Variants in PHYHIPL observed in about 807,000 individuals in gnomAD.
PHYHIPL encodes the protein phytanoyl-CoA 2-hydroxylase interacting protein like, also known as phytanoyl-CoA hydroxylase-interacting protein-like.
In PHYHIPL, 9 loss-of-function variants were observed where a neutral mutation model predicts 33.4. The observed-to-expected ratio is 0.27, with a 90% confidence interval of 0.16 to 0.47. PHYHIPL has a LOEUF of 0.47. Ranked by LOEUF, PHYHIPL falls within the 20% of genes least tolerant of loss-of-function variation. PHYHIPL has a pLI of 0.99. For missense variants in PHYHIPL, 365 were observed against 460.7 expected (o/e 0.79, Z 1.90); for synonymous variants, 153 against 154.1 (o/e 0.99, Z 0.05).
chr10:59,179,082 T>C (rs1838330275), intron 1 of PHYHIPL, among the ~76,000 whole-genome samples: 1 of 152,200 alleles, frequency 6.6e-6, no homozygotes, highest in Non-Finnish European at 1.5e-5. Flanking sequence ...GCTTAACTTA[T>C]TTTGTTATCC....
In PHYHIPL at chr10:59,233,911, T is replaced by C. The variant is rs59852796; in HGVS notation, c.107-393T>C. Among the ~76,000 whole-genome samples the C allele has an allele frequency of 5.5e-3, 833 of 151,926 alleles. 6 individuals carry two copies. Among genetic ancestry groups the C allele is most frequent in the African/African-American group, 0.019 (796 of 41,530 alleles). ...AATGAAAGAGGAGGGGGAATTTTTA[T>C]AGACTGTCACTGCTAGGTCATGGAC... On this transcript the variant is annotated intron_variant, in intron 1 of 4. Transcript: ENST00000373880.
At chr10:59,219,142 G>A in intron 1 of PHYHIPL, 1 of 417,792 alleles carries the variant, frequency 2.4e-6, no homozygotes, top group Non-Finnish European at 3.2e-6. Flanking sequence ...AATATTCTAG[G>A]TATTTTGAGA....
chr10:59,224,512 A>ACAAAACAAAAC (rs1839872701), intron 1 of PHYHIPL, among the ~76,000 whole-genome samples: 1 of 143,744 alleles, frequency 7.0e-6, no homozygotes, highest in Non-Finnish European at 1.6e-5. Context: ...CAAAACAAAA[A>ACAAAACAAAAC]ACAAAACAAA....
At chr10:59,222,746 T>C (rs1359064911) in intron 1 of PHYHIPL, among the ~76,000 whole-genome samples, 3 of 152,072 alleles carry the variant, frequency 2.0e-5, no homozygotes, top group African/African-American at 7.2e-5. Flanking sequence ...AAAAATTCAT[T>C]AAAGATTACT....
At chr10:59,175,359 T>A (rs78490298), upstream of PHYHIPL, among the ~76,000 whole-genome samples, 1,103 of 152,340 alleles carry the variant, frequency 7.2e-3, 4 homozygotes, top group Admixed American at 0.02. Context: ...AGCTGGTCCT[T>A]CCATTTATTG....
At chr10:59,207,155 C>T (rs1839307889) in intron 1 of PHYHIPL, among the ~76,000 whole-genome samples, 1 of 150,756 alleles carries the variant, frequency 6.6e-6, no homozygotes, top group South Asian at 2.1e-4. Context: ...AGCATAGGAA[C>T]AGCTCCAGTC....
At chr10:59,238,247 T>A (rs1840284742) in intron 3 of PHYHIPL, among the ~76,000 whole-genome samples, 1 of 152,000 alleles carries the variant, frequency 6.6e-6, no homozygotes, top group Non-Finnish European at 1.5e-5. Flanking sequence ...TTATTCAGTT[T>A]ATCAACTGGT....
At chr10:59,221,567 T>A (rs891383142) in intron 1 of PHYHIPL, 1 of 442,096 alleles carries the variant, frequency 2.3e-6, no homozygotes, top group Non-Finnish European at 3.0e-6. Context: ...TAACACTGGA[T>A]ATGGCTAAGA....
intron 4 of PHYHIPL, 89 bp downstream of exon 4, chr10:59,238,794 AT>A (rs1840306476): frequency 2.9e-6 from 2 of 682,626 alleles, no homozygotes; most frequent in Middle Eastern, 4.3e-4. Context: ...GTTTTGTCGA[AT>A]AGCAATTCTA....
At chr10:59,194,080 G>GT (rs778292956) in intron 1 of PHYHIPL, among the ~76,000 whole-genome samples, 10,877 of 111,466 alleles carry the variant, frequency 0.098, 798 homozygotes, top group African/African-American at 0.14. Flanking sequence ...TTACCTATAT[G>GT]TTTTTTTTTT....
chr10:59,182,178 G>C (rs1000025609), intron 1 of PHYHIPL, among the ~76,000 whole-genome samples: 11 of 152,132 alleles, frequency 7.2e-5, no homozygotes, highest in Non-Finnish European at 2.9e-5. Flanking sequence ...CTTTTCTTTA[G>C]TAAATGCATA....
At chr10:59,197,401 A>G (rs954271977) in intron 1 of PHYHIPL, among the ~76,000 whole-genome samples, 4 of 152,146 alleles carry the variant, frequency 2.6e-5, no homozygotes, top group African/African-American at 7.2e-5. Flanking sequence ...CAAATGCAAC[A>G]TATATATGGA....
At chr10:59,202,435 T>G (rs1839148393) in intron 1 of PHYHIPL, among the ~76,000 whole-genome samples, 1 of 152,202 alleles carries the variant, frequency 6.6e-6, no homozygotes, top group African/African-American at 2.4e-5. Flanking sequence ...AGAGTAACAT[T>G]GTCTTCACAT....
chr10:59,224,499 A>AC lies in PHYHIPL; in HGVS notation c.107-9805_107-9804insC, dbSNP rs1554798691. On this transcript the variant is annotated intron_variant, in intron 1 of 4. Coordinates refer to ENST00000373880, the MANE Select transcript of PHYHIPL (RefSeq NM_032439.4). Reference sequence around the variant, plus strand: ...ACAAAACAAAACAAAACAAAACAAAAAACAAAACAAAAAACAAAACAAAAC... The same window carrying AC: ...ACAAAACAAAACAAAACAAAACAAAACAACAAAACAAAAAACAAAACAAAAC... Among the ~76,000 whole-genome samples, 479 of 152,024 alleles carry AC rather than the reference A, an allele frequency of 3.2e-3. 2 individuals carry two copies. Among genetic ancestry groups the AC allele is most frequent in the Admixed American group, 5.2e-3 (79 of 15,270 alleles).
At chr10:59,210,633 T>C (rs146833544) in intron 1 of PHYHIPL, among the ~76,000 whole-genome samples, 193 of 152,356 alleles carry the variant, frequency 1.3e-3, no homozygotes, top group African/African-American at 4.6e-3. Context: ...ACACATATGC[T>C]TATTGTAGCA....
At chr10:59,216,018 T>A (rs147635480) in intron 1 of PHYHIPL, among the ~76,000 whole-genome samples, 1 of 152,008 alleles carries the variant, frequency 6.6e-6, no homozygotes, top group Admixed American at 6.6e-5. Flanking sequence ...TTTTAGATAT[T>A]TTAAATTTGA....
At chr10:59,239,180 C>A (rs1358471279) in intron 4 of PHYHIPL, among the ~76,000 whole-genome samples, 2 of 151,794 alleles carry the variant, frequency 1.3e-5, no homozygotes, top group African/African-American at 4.8e-5. Flanking sequence ...GTTTTTCAGG[C>A]TGCTGATAAA....
At chr10:59,185,656 T>C (rs1338028102) in intron 1 of PHYHIPL, among the ~76,000 whole-genome samples, 1 of 152,212 alleles carries the variant, frequency 6.6e-6, no homozygotes, top group Non-Finnish European at 1.5e-5. Context: ...TGATCGCCAT[T>C]CTAACTGGTG....
chr10:59,216,491 T>C (rs1204502853), intron 1 of PHYHIPL, among the ~76,000 whole-genome samples: 1 of 152,082 alleles, frequency 6.6e-6, no homozygotes, highest in Admixed American at 6.6e-5. Context: ...AGAGCATTTT[T>C]TCATGGACTG....
Sources: gnomAD v4.1 joint callset for allele counts (sites outside exome capture counted in the v4.1 genomes callset) on GRCh38, gnomAD v4.1.1 for gene constraint, MANE v1.5 for transcripts, NCBI Gene and HGNC (gene_info 2026-07-23, HGNC 2026-07-21) for gene names.